Variants in EEF1E1 observed in about 807,000 individuals in gnomAD.
EEF1E1 encodes the protein eukaryotic translation elongation factor 1 epsilon 1.
A neutral mutation model predicts 19.9 loss-of-function variants in EEF1E1; 19 were observed. The ratio of observed to expected loss-of-function variants is 0.95; its 90% CI spans 0.66 to 1.40. The LOEUF (loss-of-function observed/expected upper bound fraction) is 1.40. Among genes scored for constraint, EEF1E1 ranks in the 40% most tolerant of loss-of-function variants. The pLI is 0.00. For missense variants in EEF1E1, 198 were observed against 202.2 expected, an observed-to-expected ratio of 0.98 and a Z score of 0.13; for synonymous variants, 81 against 80.0, an observed-to-expected ratio of 1.01 and a Z score of -0.07.
At chr6:8,098,916 A>G (rs1046887213) in intron 1 of EEF1E1, among the ~76,000 whole-genome samples, 1 of 152,206 alleles carries the variant, frequency 6.6e-6, no homozygotes, top group African/African-American at 2.4e-5. Context: ...GCATGCTCTC[A>G]AAAAAATTCC....
chr6:8,094,843 A>G (rs973392994), intron 2 of EEF1E1, among the ~76,000 whole-genome samples: 1 of 152,226 alleles, frequency 6.6e-6, no homozygotes, highest in Non-Finnish European at 1.5e-5. Flanking sequence ...AAAGAGCTAT[A>G]TGACAATCCA....
downstream of EEF1E1, chr6:8,078,466 T>A: frequency 4.2e-6 from 1 of 236,422 alleles, no homozygotes; most frequent in East Asian, 1.5e-4. Context: ...ACAGAGAGAG[T>A]AATGAAAAAA....
At chr6:8,092,060 G>T (rs1227378992) in intron 2 of EEF1E1, among the ~76,000 whole-genome samples, 1 of 152,194 alleles carries the variant, frequency 6.6e-6, no homozygotes, top group African/African-American at 2.4e-5. Context: ...CTTTTCACTT[G>T]GTGGAAGGGG....
intron 2 of EEF1E1, chr6:8,095,537 A>G (rs1403385005): frequency 5.3e-6 from 1 of 187,368 alleles, no homozygotes; most frequent in African/African-American, 2.4e-5. Context: ...AAACAAAACC[A>G]ACAGGTTACC....
intron 2 of EEF1E1, among the ~76,000 whole-genome samples, chr6:8,091,117 C>A (rs1190832331): frequency 6.6e-6 from 1 of 152,196 alleles, no homozygotes; most frequent in Non-Finnish European, 1.5e-5. Flanking sequence ...CTTTTCATAG[C>A]AGTTGCACAT....
At chr6:8,078,634 G>A, downstream of EEF1E1, 4 of 1,205,898 alleles carry the variant, frequency 3.3e-6, no homozygotes, top group Non-Finnish European at 4.2e-6. Context: ...GCATGCCTGT[G>A]CCCACACACC....
intron 2 of EEF1E1, chr6:8,095,503 A>T (rs1758146334): frequency 4.8e-6 from 1 of 208,022 alleles, no homozygotes; most frequent in Non-Finnish European, 1.0e-5. Flanking sequence ...AACCTGTGAC[A>T]AAAAAATAAA....
chr6:8,086,218 G>A (rs1281260070), intron 3 of EEF1E1, among the ~76,000 whole-genome samples: 3 of 152,112 alleles, frequency 2.0e-5, no homozygotes, highest in African/African-American at 2.4e-5. Flanking sequence ...GTACGTTTGC[G>A]GGGTGAGGGG....
rs529012911 is a variant in EEF1E1 at position 8,102,090 on chromosome 6, A to G, written c.87+345T>C. 6.4e-5 allele frequency: 65 copies of G among 1,019,010 alleles called. No homozygotes were observed. In the African/African-American group the frequency reaches 7.4e-4, roughly 12 times the overall value. 63.1% of individuals were successfully genotyped at this position (1,019,010 alleles called of 1,614,324 possible). A position where few individuals can be genotyped will look rare whatever the true frequency, so the allele number is the denominator to read the frequency against. ...CTGAATGAAAGGTGCGATTACGGGA[A>G]AAAAAAAAAAGCCAGTTACTGAATA... is the stretch of plus-strand genomic sequence containing the variant. On this transcript the variant is annotated intron_variant, in intron 1 of 3. Transcript: ENST00000379715.
downstream of EEF1E1, among the ~76,000 whole-genome samples, chr6:8,077,046 C>T (rs1306657288): frequency 9.2e-5 from 14 of 151,564 alleles, no homozygotes; most frequent in African/African-American, 2.7e-4. Context: ...CGGGTTCACG[C>T]CATTCTCCTG....
chr6:8,087,227 G>A (rs1403856639), intron 3 of EEF1E1, among the ~76,000 whole-genome samples: 1 of 152,166 alleles, frequency 6.6e-6, no homozygotes, highest in Non-Finnish European at 1.5e-5. Flanking sequence ...GCAGGAGTCA[G>A]ATGAATTAAG....
intron 1 of EEF1E1, 47 bp from the exon 2 acceptor site, chr6:8,097,514 ATCATGATTATAACT>A: frequency 6.7e-7 from 1 of 1,500,330 alleles, no homozygotes; most frequent in Non-Finnish European, 9.1e-7. Flanking sequence ...CAAGGACCAC[ATCATGATTATAACT>A]TCTAAGTAAC....
intron 3 of EEF1E1, among the ~76,000 whole-genome samples, chr6:8,081,766 C>T (rs1757728884): frequency 6.6e-6 from 1 of 152,188 alleles, no homozygotes; most frequent in Admixed American, 6.5e-5. Flanking sequence ...TCAAAATCAA[C>T]TTCGACAAAT....
chr6:8,094,839 C>G (rs1238202587), intron 2 of EEF1E1, among the ~76,000 whole-genome samples: 2 of 152,160 alleles, frequency 1.3e-5, no homozygotes, highest in Non-Finnish European at 2.9e-5. Context: ...GGATAAAGAG[C>G]TATATGACAA....
chr6:8,081,026 A>AAATC (rs1757710836), intron 3 of EEF1E1, among the ~76,000 whole-genome samples: 1 of 152,262 alleles, frequency 6.6e-6, no homozygotes, highest in Non-Finnish European at 1.5e-5. Flanking sequence ...GGTGAAGGAT[A>AAATC]AATCACTCCA....
chr6:8,082,572 C>T (rs954685984), intron 3 of EEF1E1, among the ~76,000 whole-genome samples: 2 of 152,200 alleles, frequency 1.3e-5, no homozygotes, highest in African/African-American at 4.8e-5. Flanking sequence ...AGCCACTGCA[C>T]CCAACCCCCT....
downstream of EEF1E1, chr6:8,078,784 T>C: frequency 7.9e-7 from 1 of 1,261,628 alleles, no homozygotes; most frequent in African/African-American, 1.6e-5. Context: ...TGCCAAGAGC[T>C]ACATACTAGG....
At chr6:8,076,050 T>C (rs112996051), downstream of EEF1E1, among the ~76,000 whole-genome samples, 276 of 152,272 alleles carry the variant, frequency 1.8e-3, 3 homozygotes, top group African/African-American at 6.4e-3. Flanking sequence ...GCTTCTAATT[T>C]TACTTCTCTT....
chr6:8,088,031 G>A (rs9392200), intron 3 of EEF1E1, among the ~76,000 whole-genome samples: 38,769 of 151,956 alleles, frequency 0.26, 5,446 homozygotes, highest in Middle Eastern at 0.36. Context: ...CCACTTACTT[G>A]GGCAATCTCA....
Sources: allele counts gnomAD v4.1 joint callset (sites outside exome capture counted in the v4.1 genomes callset), GRCh38; gene constraint gnomAD v4.1.1; transcripts MANE v1.5; gene names NCBI Gene and HGNC (gene_info 2026-07-23, HGNC 2026-07-21).